Variants in FILIP1L observed in about 807,000 individuals in gnomAD.
FILIP1L encodes filamin A interacting protein 1 like.
Under a neutral mutation model 96.6 loss-of-function variants are expected in FILIP1L, and 55 were observed. That is an observed-to-expected ratio of 0.57 (90% CI 0.46 to 0.71). FILIP1L has a LOEUF of 0.71. FILIP1L is among the 30% of genes least tolerant of loss of function. The pLI is 0.00. For synonymous variants in FILIP1L, 467 were observed against 473.9 expected, an observed-to-expected ratio of 0.99 and a Z score of 0.19; for missense variants, 1,304 against 1,321.2, an observed-to-expected ratio of 0.99 and a Z score of 0.20.
chr3:99,931,113 C>T (rs1707468823), intron 1 of FILIP1L, 83 bp from the exon 2 acceptor site: 2 of 1,154,654 alleles, frequency 1.7e-6, no homozygotes, highest in Non-Finnish European at 2.5e-6. Context: ...AACAAGTCTA[C>T]ATTCTTGTTA....
intron 1 of FILIP1L, among the ~76,000 whole-genome samples, chr3:100,047,811 C>G (rs1401416879): frequency 2.0e-5 from 3 of 151,868 alleles, no homozygotes; most frequent in African/African-American, 7.3e-5. Flanking sequence ...GGCCTCACTG[C>G]TCTCCCCAGA....
At chr3:100,024,251 C>T (rs2064878432) in intron 1 of FILIP1L, among the ~76,000 whole-genome samples, 1 of 152,114 alleles carries the variant, frequency 6.6e-6, no homozygotes, top group South Asian at 2.1e-4. Context: ...TGGTGTAGAG[C>T]CAAGGCCTTT....
chr3:99,911,273 T>A (rs1706778986), intron 4 of FILIP1L, among the ~76,000 whole-genome samples: 1 of 150,754 alleles, frequency 6.6e-6, no homozygotes, highest in Admixed American at 6.6e-5. Context: ...CTCTTGGGTG[T>A]TTTGCTCGTA....
intron 1 of FILIP1L, among the ~76,000 whole-genome samples, chr3:99,988,031 C>A (rs1051977020): frequency 6.6e-6 from 1 of 152,036 alleles, no homozygotes; most frequent in African/African-American, 2.4e-5. Flanking sequence ...AGCTGGTACA[C>A]CAAAATGTAA....
At chr3:100,074,025 G>A (rs898422628) in intron 1 of FILIP1L, among the ~76,000 whole-genome samples, 5 of 152,038 alleles carry the variant, frequency 3.3e-5, no homozygotes, top group South Asian at 2.1e-4. Context: ...AAAGCAAGTC[G>A]TCTTCTACTG....
intron 4 of FILIP1L, among the ~76,000 whole-genome samples, chr3:99,919,542 T>G (rs1707058730): frequency 6.6e-6 from 1 of 151,696 alleles, no homozygotes; most frequent in Admixed American, 6.6e-5. Flanking sequence ...AACCTAAAAA[T>G]TAGATAAATT....
chr3:99,843,265 G>C (rs1005062151), intron 5 of FILIP1L, among the ~76,000 whole-genome samples: 1 of 152,196 alleles, frequency 6.6e-6, no homozygotes, highest in African/African-American at 2.4e-5. Flanking sequence ...GACCTTGTAG[G>C]TGTCAGACAG....
At chr3:99,989,664 C>A (rs989942496) in intron 1 of FILIP1L, among the ~76,000 whole-genome samples, 1 of 62,802 alleles carries the variant, frequency 1.6e-5, no homozygotes, top group African/African-American at 8.0e-5. Context: ...GTATCTTCCT[C>A]TATATATATA....
intron 4 of FILIP1L, chr3:99,876,274 C>G (rs1043162978): frequency 4.2e-6 from 4 of 943,654 alleles, no homozygotes; most frequent in South Asian, 9.8e-5. Flanking sequence ...GCGCCGGTGA[C>G]CGCGGGACCC....
At chr3:100,050,066 A>G (rs1207373611) in intron 1 of FILIP1L, among the ~76,000 whole-genome samples, 1 of 152,180 alleles carries the variant, frequency 6.6e-6, no homozygotes, top group East Asian at 1.9e-4. Flanking sequence ...AGTGAAAAGG[A>G]ACATGCTTTT....
chr3:99,959,664 A>G (rs1708436801), intron 1 of FILIP1L, among the ~76,000 whole-genome samples: 1 of 152,200 alleles, frequency 6.6e-6, no homozygotes, highest in South Asian at 2.1e-4. Flanking sequence ...AGATGGAACA[A>G]AATTAGTTGT....
At chr3:99,931,588 C>T (rs991478086) in intron 1 of FILIP1L, among the ~76,000 whole-genome samples, 2 of 152,030 alleles carry the variant, frequency 1.3e-5, no homozygotes, top group African/African-American at 4.8e-5. Flanking sequence ...TTTTGAAGGC[C>T]AAGTCTAGTA....
intron 4 of FILIP1L, among the ~76,000 whole-genome samples, chr3:99,857,881 C>A (rs1181811556): frequency 1.3e-5 from 2 of 152,148 alleles, no homozygotes; most frequent in African/African-American, 2.4e-5. Flanking sequence ...TATGGCAAGA[C>A]TTTTATTCAT....
chr3:99,934,000 C>T (rs1006140184), intron 1 of FILIP1L, among the ~76,000 whole-genome samples: 2 of 152,140 alleles, frequency 1.3e-5, no homozygotes, highest in South Asian at 4.1e-4. Context: ...TGGTCTAAGA[C>T]GGGCTCTCAC....
intron 1 of FILIP1L, among the ~76,000 whole-genome samples, chr3:100,022,740 A>G (rs2064848068): frequency 6.6e-6 from 1 of 152,042 alleles, no homozygotes; most frequent in African/African-American, 2.4e-5. Context: ...TGTTTCCATC[A>G]TTTGTTCCCA....
intron 1 of FILIP1L, among the ~76,000 whole-genome samples, chr3:100,033,010 G>A (rs1271451614): frequency 1.3e-5 from 2 of 151,408 alleles, no homozygotes; most frequent in Non-Finnish European, 2.9e-5. Context: ...CCCCTCACAT[G>A]AAAGTTAGTG....
At position 99,828,915 on chromosome 3, in the gene FILIP1L, C is replaced by CCA. The variant is rs1942590228; in HGVS notation, c.*1498_*1499insTG. On this transcript the variant is annotated 3_prime_UTR_variant, in exon 6 of 6. Coordinates refer to ENST00000477258, the MANE Select transcript of FILIP1L (RefSeq NM_001387850.1). ...TGCCCATCATCCCTCTCAATGCTGC[C>CCA]TATCATCCCTCTCAATGCTGCCCAT... 6.6e-6 allele frequency among the ~76,000 whole-genome samples: 1 copy of CCA among 152,026 alleles called. No homozygotes were observed. Among genetic ancestry groups the CCA allele is most frequent in the African/African-American group, 2.4e-5 (1 of 41,364 alleles).
chr3:99,834,747 T>C (rs751826482), intron 5 of FILIP1L, among the ~76,000 whole-genome samples: 58 of 152,226 alleles, frequency 3.8e-4, no homozygotes, highest in Non-Finnish European at 6.6e-4. Flanking sequence ...GCTTACATCT[T>C]ATAACAGCCT....
intron 1 of FILIP1L, among the ~76,000 whole-genome samples, chr3:99,983,613 C>A (rs147500054): frequency 6.9e-6 from 1 of 144,762 alleles, no homozygotes; most frequent in Non-Finnish European, 1.5e-5. Flanking sequence ...TTGCTTGAAC[C>A]GGGGAGGCGG....
Sources: allele counts gnomAD v4.1 joint callset (sites outside exome capture counted in the v4.1 genomes callset), GRCh38; gene constraint gnomAD v4.1.1; transcripts MANE v1.5; gene names NCBI Gene and HGNC (gene_info 2026-07-23, HGNC 2026-07-21).